Variants in RNF13 observed in about 807,000 individuals in gnomAD.
RNF13 encodes ring finger protein 13, also known as E3 ubiquitin-protein ligase RNF13.
In RNF13, 19 loss-of-function variants were observed where a neutral mutation model predicts 37.7. The observed-to-expected ratio is 0.50, with a 90% CI of 0.35 to 0.74. The LOEUF (loss-of-function observed/expected upper bound fraction) is 0.74. RNF13 is among the 30% of genes least tolerant of loss of function. The pLI, the probability that RNF13 is intolerant of heterozygous loss-of-function variation, is 0.01. For missense variants in RNF13, 375 were observed against 453.0 expected (o/e 0.83, Z 1.56); for synonymous variants, 144 against 157.8 (o/e 0.91, Z 0.65).
intron 7 of RNF13, among the ~76,000 whole-genome samples, chr3:149,920,048 A>G (rs1717960991): frequency 6.6e-6 from 1 of 152,200 alleles, no homozygotes. Flanking sequence ...TGTCTTGTAT[A>G]GTGAAGTATC....
chr3:149,939,387 G>T, intron 8 of RNF13: 1 of 499,914 alleles, frequency 2.0e-6, no homozygotes, highest in Non-Finnish European at 3.8e-6. Context: ...TCGCTTTCCA[G>T]ATAAACTTGA....
intron 1 of RNF13, among the ~76,000 whole-genome samples, chr3:149,828,173 C>G (rs1329488371): frequency 6.6e-6 from 1 of 152,132 alleles, no homozygotes; most frequent in Non-Finnish European, 1.5e-5. Flanking sequence ...TAGACTCTAG[C>G]ACTTAAACAT....
At chr3:149,888,235 C>T (rs542952401) in intron 4 of RNF13, among the ~76,000 whole-genome samples, 1 of 152,276 alleles carries the variant, frequency 6.6e-6, no homozygotes, top group East Asian at 1.9e-4. Flanking sequence ...TTTTATTCTG[C>T]ACGCATTACT....
At chr3:149,874,375 C>G (rs371267636) in intron 4 of RNF13, among the ~76,000 whole-genome samples, 1 of 152,062 alleles carries the variant, frequency 6.6e-6, no homozygotes, top group Non-Finnish European at 1.5e-5. Context: ...GCAGTATGAT[C>G]TTGGACAAGT....
chr3:149,910,643 C>T (rs905533639), intron 6 of RNF13, among the ~76,000 whole-genome samples: 4 of 152,096 alleles, frequency 2.6e-5, no homozygotes, highest in South Asian at 2.1e-4. Flanking sequence ...ATACTGAGAA[C>T]GATTGTTTTG....
intron 8 of RNF13, chr3:149,939,055 C>T (rs1719990982): frequency 2.0e-6 from 1 of 494,050 alleles, no homozygotes; most frequent in Non-Finnish European, 3.9e-6. Context: ...CGGAAGCACT[C>T]CTCACATAAT....
chr3:149,861,383 G>C (rs1259097309), intron 3 of RNF13, among the ~76,000 whole-genome samples: 4 of 152,024 alleles, frequency 2.6e-5, no homozygotes, highest in African/African-American at 9.7e-5. Flanking sequence ...TCAACCTACT[G>C]TCCATGAATA....
chr3:149,893,601 A>G (rs1714943844), intron 4 of RNF13, among the ~76,000 whole-genome samples: 1 of 152,218 alleles, frequency 6.6e-6, no homozygotes, highest in Non-Finnish European at 1.5e-5. Context: ...AATATAATGC[A>G]GAAATAATAA....
In RNF13 at chr3:149,830,809, T is replaced by C. The variant is rs57277990; in HGVS notation, c.-16-15202T>C. On this transcript the variant is annotated intron_variant, in intron 1 of 9. Transcript: ENST00000392894. ...CAGAGGTCTTCATGGCAGCCCCTCC[T>C]ATCACACGCCCAGAGGCCTAGGAGG... Among the ~76,000 whole-genome samples, 1,353 of 151,230 alleles carry C rather than the reference T, an allele frequency of 8.9e-3. 24 individuals carry two copies. The highest frequency in any genetic ancestry group is 0.031 in the African/African-American group (1,260 of 40,550).
rs549281565 is a variant in RNF13, at chr3:149,925,203, A to G, written c.700+3976A>G. On this transcript the variant is annotated intron_variant, in intron 8 of 9. Transcript: ENST00000392894. ...CTGAACCCATTTTGAACCCATCAGC[A>G]TAACTGTTTTTCTCTATGGAGTGGT... Among the ~76,000 whole-genome samples, 15 of 152,322 alleles carry G rather than the reference A, an allele frequency of 9.8e-5. No homozygotes were observed. The East Asian group carries it at 2.5e-3, about 25-fold the overall frequency.
intron 4 of RNF13, among the ~76,000 whole-genome samples, chr3:149,879,863 A>G (rs1234612756): frequency 3.9e-5 from 6 of 152,116 alleles, no homozygotes. Flanking sequence ...TGTATTTTCT[A>G]ATTCTTTCTT....
intron 8 of RNF13, among the ~76,000 whole-genome samples, chr3:149,956,364 G>A (rs1473428676): frequency 6.6e-6 from 1 of 152,184 alleles, no homozygotes; most frequent in Non-Finnish European, 1.5e-5. Context: ...CCAGGATCTG[G>A]TGACAGATGG....
At chr3:149,942,155 A>G (rs949546556) in intron 8 of RNF13, among the ~76,000 whole-genome samples, 3 of 152,040 alleles carry the variant, frequency 2.0e-5, no homozygotes, top group African/African-American at 7.2e-5. Context: ...TGAGTCTTCC[A>G]ATTTTGTTCT....
At chr3:149,856,933 A>G (rs1723713402) in intron 3 of RNF13, among the ~76,000 whole-genome samples, 1 of 152,136 alleles carries the variant, frequency 6.6e-6, no homozygotes, top group Non-Finnish European at 1.5e-5. Context: ...TATTTTTAGT[A>G]GAGATGGGGT....
chr3:149,917,771 A>T (rs1354508461), intron 7 of RNF13, among the ~76,000 whole-genome samples: 2 of 152,184 alleles, frequency 1.3e-5, no homozygotes, highest in African/African-American at 4.8e-5. Flanking sequence ...TAAATTTTGT[A>T]AACATTCCAT....
chr3:149,901,992 A>G (rs1576848400), intron 5 of RNF13, 80 bp from the exon 6 acceptor site: 2 of 549,968 alleles, frequency 3.6e-6, no homozygotes, highest in East Asian at 6.4e-5. Flanking sequence ...TTCCAGTTGC[A>G]TTTGCTGCTA....
chr3:149,851,561 T>G (rs1377343378), intron 2 of RNF13: 1 of 152,218 alleles, frequency 6.6e-6, no homozygotes, highest in Non-Finnish European at 1.5e-5. Context: ...TATATAACAC[T>G]CTTGCTTTCT....
intron 4 of RNF13, among the ~76,000 whole-genome samples, chr3:149,888,846 A>G (rs1714335705): frequency 6.6e-6 from 1 of 152,212 alleles, no homozygotes; most frequent in South Asian, 2.1e-4. Context: ...CTTCGTTCAT[A>G]TATAGAAGTT....
At chr3:149,867,431 A>G (rs1006233341) in intron 3 of RNF13, among the ~76,000 whole-genome samples, 1 of 151,178 alleles carries the variant, frequency 6.6e-6, no homozygotes, top group Non-Finnish European at 1.5e-5. Context: ...ACGCCCGGCT[A>G]ATTTTTTTGT....
Sources: allele counts gnomAD v4.1 joint callset (sites outside exome capture counted in the v4.1 genomes callset), GRCh38; gene constraint gnomAD v4.1.1; transcripts MANE v1.5; gene names NCBI Gene and HGNC (gene_info 2026-07-23, HGNC 2026-07-21).